Variants in AGTPBP1 observed in about 807,000 individuals in gnomAD.
AGTPBP1 encodes the protein cytosolic carboxypeptidase 1.
Under a neutral mutation model 143.9 loss-of-function variants are expected in AGTPBP1, and 70 were observed. The observed-to-expected ratio is 0.49, with a 90% CI of 0.40 to 0.59. AGTPBP1 has a LOEUF of 0.59. Ranked by LOEUF, AGTPBP1 falls within the 20% of genes least tolerant of loss-of-function variation. The pLI is 0.00. For missense variants in AGTPBP1, 1,229 were observed against 1,464.5 expected, an observed-to-expected ratio of 0.84 and a Z score of 2.62; for synonymous variants, 463 against 500.2, an observed-to-expected ratio of 0.93 and a Z score of 0.99.
intron 1 of AGTPBP1, among the ~76,000 whole-genome samples, chr9:85,719,152 GC>G (rs201435764): frequency 0.011 from 1,662 of 151,686 alleles, 28 homozygotes; most frequent in African/African-American, 0.037. Flanking sequence ...GGCTATGCGG[GC>G]TTTTTGGTTC....
the AGTPBP1 span, among the ~76,000 whole-genome samples, chr9:85,773,367 C>T: frequency 3.7e-4 from 25 of 67,184 alleles, no homozygotes; most frequent in East Asian, 0.012. Flanking sequence ...GAGTTTTGCT[C>T]TTGCACCCAG....
intron 17 of AGTPBP1, among the ~76,000 whole-genome samples, chr9:85,605,760 GTA>G (rs1829952641): frequency 6.6e-6 from 1 of 152,018 alleles, no homozygotes; most frequent in African/African-American, 2.4e-5. Flanking sequence ...TCAAATTAAA[GTA>G]TAGAGTTTTT....
At chr9:85,765,257 A>T in the AGTPBP1 span, 4 of 226,636 alleles carry the variant, frequency 1.8e-5, no homozygotes, top group East Asian at 1.1e-4. Flanking sequence ...GAGGGACTCT[A>T]CTGGAGGGCA....
At chr9:85,734,266 A>G (rs1044736678) in intron 1 of AGTPBP1, among the ~76,000 whole-genome samples, 1 of 152,162 alleles carries the variant, frequency 6.6e-6, no homozygotes, top group African/African-American at 2.4e-5. Flanking sequence ...AAACAAACAA[A>G]AAAACCTCCT....
chr9:85,562,467 A>T (rs1423482628), intron 25 of AGTPBP1, among the ~76,000 whole-genome samples: 2 of 152,228 alleles, frequency 1.3e-5, no homozygotes, highest in African/African-American at 4.8e-5. Flanking sequence ...CAGGGTTAAG[A>T]TTCTGTCAAA....
chr9:85,716,353 T>G (rs1222060339), intron 1 of AGTPBP1, among the ~76,000 whole-genome samples: 1 of 152,252 alleles, frequency 6.6e-6, no homozygotes, highest in Non-Finnish European at 1.5e-5. Flanking sequence ...TTTCTTGTCC[T>G]CTTCTAACTA....
At chr9:85,729,783 C>T (rs190827600) in intron 1 of AGTPBP1, among the ~76,000 whole-genome samples, 446 of 152,240 alleles carry the variant, frequency 2.9e-3, no homozygotes, top group African/African-American at 0.01. Flanking sequence ...TAAAAAGTTG[C>T]TCCACATCAC....
In AGTPBP1 at chr9:85,585,325, A is replaced by G. The variant is rs1209208876; in HGVS notation, c.3165+138T>C. 4.6e-6 allele frequency: 4 copies of G among 864,814 alleles called. No individual in the cohort carries two copies. The Admixed American group carries it at 1.1e-4, about 24-fold the overall frequency. 53.6% of individuals were successfully genotyped at this position (864,814 alleles called of 1,614,324 possible). On this transcript the variant is annotated intron_variant, in intron 23 of 25. Transcript: ENST00000357081. Reference sequence around the variant, plus strand: ...TAGATGAAAAATATAAACATGAAAAACTTTTAAAATGAAAAATCTGAAACA... The same window carrying G: ...TAGATGAAAAATATAAACATGAAAAGCTTTTAAAATGAAAAATCTGAAACA...
At chr9:85,740,429 A>G (rs1237143485) in intron 1 of AGTPBP1, among the ~76,000 whole-genome samples, 2 of 152,260 alleles carry the variant, frequency 1.3e-5, no homozygotes, top group Non-Finnish European at 2.9e-5. Context: ...TGGGTAAGGC[A>G]CGACTTATTA....
At chr9:85,572,872 G>C (rs527543248) in intron 25 of AGTPBP1, among the ~76,000 whole-genome samples, 1 of 152,122 alleles carries the variant, frequency 6.6e-6, no homozygotes, top group Non-Finnish European at 1.5e-5. Context: ...GGAGTTCCAA[G>C]TAATGTTTGT....
the AGTPBP1 span, chr9:85,781,178 T>G: frequency 2.3e-5 from 34 of 1,472,714 alleles, no homozygotes; most frequent in Admixed American, 8.6e-4. Flanking sequence ...AAACTGATTT[T>G]AAATGCAAAT....
At chr9:85,747,146 C>G in the AGTPBP1 span, among the ~76,000 whole-genome samples, 1 of 152,190 alleles carries the variant, frequency 6.6e-6, no homozygotes, top group Non-Finnish European at 1.5e-5. Context: ...CCTGAGCCAC[C>G]ATGCTTGGCC....
At chr9:85,776,185 A>G in the AGTPBP1 span, among the ~76,000 whole-genome samples, 1 of 152,254 alleles carries the variant, frequency 6.6e-6, no homozygotes, top group African/African-American at 2.4e-5. Flanking sequence ...AAGTCAATAA[A>G]TCTTATGTCA....
chr9:85,756,819 T>C, the AGTPBP1 span, among the ~76,000 whole-genome samples: 5 of 152,196 alleles, frequency 3.3e-5, no homozygotes, highest in Admixed American at 6.5e-5. Context: ...TGAACACCTA[T>C]GTTAAGTGAA....
rs1000962640 is a variant in AGTPBP1, at chr9:85,721,038, T to C, written c.-33-8472A>G. ...GCACTGTGGTCTGAGAGATAGTTTG[T>C]TGTGATTTCTGCTCTTCTGCATTTG... On this transcript the variant is annotated intron_variant, in intron 1 of 25. Coordinates refer to ENST00000357081, the MANE Select transcript of AGTPBP1 (RefSeq NM_001330701.2). 2.0e-5 allele frequency among the ~76,000 whole-genome samples: 3 copies of C among 152,340 alleles called. No homozygotes were observed. The South Asian group carries it at 6.2e-4, about 32-fold the overall frequency.
chr9:85,731,729 C>G (rs1238605688), intron 1 of AGTPBP1, among the ~76,000 whole-genome samples: 2 of 152,134 alleles, frequency 1.3e-5, no homozygotes, highest in African/African-American at 2.4e-5. Flanking sequence ...AGATTACAGG[C>G]ATGAGCCACC....
chr9:85,710,708 C>A (rs1180959805), intron 2 of AGTPBP1, among the ~76,000 whole-genome samples: 1 of 151,074 alleles, frequency 6.6e-6, no homozygotes, highest in African/African-American at 2.4e-5. Context: ...ACAAAAAAAA[C>A]AAATATCCAA....
At chr9:85,719,211 CG>C (rs1186068345) in intron 1 of AGTPBP1, among the ~76,000 whole-genome samples, 1 of 152,128 alleles carries the variant, frequency 6.6e-6, no homozygotes, top group East Asian at 1.9e-4. Context: ...AGAAAGTCAT[CG>C]GTAGCTTGAT....
intron 2 of AGTPBP1, among the ~76,000 whole-genome samples, chr9:85,698,679 C>CTTTTTTTTTTTTT (rs34248388): frequency 3.9e-5 from 3 of 76,576 alleles, no homozygotes; most frequent in Admixed American, 1.8e-4. Context: ...CCACCTAACC[C>CTTTTTTTTTTTTT]TTTTTTTTTT....
Sources: allele counts gnomAD v4.1 joint callset (sites outside exome capture counted in the v4.1 genomes callset), GRCh38; gene constraint gnomAD v4.1.1; transcripts MANE v1.5; gene names NCBI Gene and HGNC (gene_info 2026-07-23, HGNC 2026-07-21).